Variants in MCPH1 observed in about 807,000 individuals in gnomAD.
The protein encoded by MCPH1 is microcephalin 1.
Under a neutral mutation model 84.5 loss-of-function variants are expected in MCPH1, and 104 were observed. The ratio of observed to expected loss-of-function variants is 1.23; its 90% CI spans 1.05 to 1.45. The LOEUF (loss-of-function observed/expected upper bound fraction) is 1.45, where lower values mean the gene tolerates loss of function less well. Ranked by LOEUF, MCPH1 falls within the 40% of genes most tolerant of loss-of-function variation. The pLI is 0.00. For missense variants in MCPH1, 1,498 were observed against 1,005.7 expected, an observed-to-expected ratio of 1.49 and a Z score of -6.62; for synonymous variants, 514 against 366.8, an observed-to-expected ratio of 1.40 and a Z score of -4.58.
Position 6,414,960 on chromosome 8 carries a change from C to G in MCPH1, c.233+77C>G, listed in dbSNP as rs2442545. ...GTGTGGAGATATTTTTCACAGATCG[C>G]AGAACCAGATAAAGTTTGATTTTCA... On this transcript the variant is annotated intron_variant, in intron 3 of 13. Transcript: ENST00000344683. 1,476,134 of 1,484,232 alleles carry G rather than the reference C, an allele frequency of 0.99. 734,371 individuals carry two copies. The highest frequency in any genetic ancestry group is 1 in the East Asian group (43,306 of 43,308). 91.9% of individuals were successfully genotyped at this position (1,484,232 alleles called of 1,614,324 possible). A position where few individuals can be genotyped will look rare whatever the true frequency, so the allele number is the denominator to read the frequency against.
intron 12 of MCPH1, among the ~76,000 whole-genome samples, chr8:6,576,321 T>C (rs921775778): frequency 8.5e-5 from 13 of 152,168 alleles, no homozygotes; most frequent in Non-Finnish European, 1.8e-4. Flanking sequence ...TGCAGGAAGA[T>C]GGGGCTGACC....
chr8:6,566,125 A>G (rs1465164545), intron 12 of MCPH1, among the ~76,000 whole-genome samples: 2 of 152,216 alleles, frequency 1.3e-5, no homozygotes. Context: ...ATAAAGCTTT[A>G]TTCGTGATAC....
Position 6,640,030 on chromosome 8 carries a change from A to G in MCPH1, c.2453-2964A>G, listed in dbSNP as rs564044521. Among the ~76,000 whole-genome samples, 99 of 149,158 alleles carry G rather than the reference A, an allele frequency of 6.6e-4. 1 individual carries two copies. Among genetic ancestry groups the G allele is most frequent in the African/African-American group, 2.4e-3 (97 of 40,554 alleles). ...GCGGGACTACAGGCATGAACCCTGCAATACGGCTGGCTTCTGCTATTTTAA... is the reference window on the plus strand; with the variant it reads ...GCGGGACTACAGGCATGAACCCTGCGATACGGCTGGCTTCTGCTATTTTAA... On this transcript the variant is annotated intron_variant, in intron 13 of 13. Coordinates refer to ENST00000344683, the MANE Select transcript of MCPH1 (RefSeq NM_024596.5).
rs73511013 is a variant in MCPH1, at chr8:6,601,794, A to G, written c.2215-19660A>G. Among the ~76,000 whole-genome samples the G allele has an allele frequency of 8.3e-3, 1,197 of 144,382 alleles. 22 individuals are homozygous for G. Among genetic ancestry groups the G allele is most frequent in the African/African-American group, 0.032 (1,126 of 34,690 alleles). 94.7% of individuals were successfully genotyped at this position (144,382 alleles called of 152,430 possible). A position where few individuals can be genotyped will look rare whatever the true frequency, so the allele number is the denominator to read the frequency against. Reference sequence around the variant, plus strand: ...CCAATCACGTACCACATATACCCACACCACACACACACAAGCCTTTCCTAA... The same window carrying G: ...CCAATCACGTACCACATATACCCACGCCACACACACACAAGCCTTTCCTAA... On this transcript the variant is annotated intron_variant, in intron 12 of 13. Transcript: ENST00000344683.
At chr8:6,626,170 C>T (rs1280073407) in intron 13 of MCPH1, 1 of 985,256 alleles carries the variant, frequency 1.0e-6, no homozygotes, top group Non-Finnish European at 1.2e-6. Context: ...CTGAGGTGAC[C>T]CTCAGCTCGC....
intron 3 of MCPH1, among the ~76,000 whole-genome samples, chr8:6,419,521 T>C (rs996852296): frequency 6.6e-6 from 1 of 151,638 alleles, no homozygotes; most frequent in Non-Finnish European, 1.5e-5. Context: ...GCCTCCCGAG[T>C]AGCTGGGACT....
chr8:6,448,939 GAATACATTTTTTTTTGT>G (rs1002514038), intron 8 of MCPH1, among the ~76,000 whole-genome samples: 38 of 152,014 alleles, frequency 2.5e-4, no homozygotes, highest in Non-Finnish European at 1.3e-4. Flanking sequence ...ATTGACACTG[GAATACATTTTTTTTTGT>G]AATACAGGTC....
At chr8:6,548,882 G>A (rs1227600482) in intron 12 of MCPH1, among the ~76,000 whole-genome samples, 1 of 152,148 alleles carries the variant, frequency 6.6e-6, no homozygotes, top group East Asian at 1.9e-4. Flanking sequence ...TGTTGATAAA[G>A]TTTCATCACT....
chr8:6,570,509 A>G (rs1218232597), intron 12 of MCPH1, among the ~76,000 whole-genome samples: 2 of 152,180 alleles, frequency 1.3e-5, no homozygotes, highest in Non-Finnish European at 2.9e-5. Flanking sequence ...GCGGGTAGAT[A>G]GAGTAAGCGC....
chr8:6,602,707 G>A (rs548093310), intron 12 of MCPH1, among the ~76,000 whole-genome samples: 1 of 152,170 alleles, frequency 6.6e-6, no homozygotes, highest in South Asian at 2.1e-4. Context: ...ATTTGTGACA[G>A]ATCTTATCAT....
intron 12 of MCPH1, among the ~76,000 whole-genome samples, chr8:6,589,620 T>A (rs1828280725): frequency 6.6e-6 from 1 of 152,206 alleles, no homozygotes; most frequent in South Asian, 2.1e-4. Flanking sequence ...GCCAGGCATT[T>A]TCATCTTCCA....
intron 12 of MCPH1, 54 bp from the exon 13 acceptor site, chr8:6,621,400 T>G: frequency 6.2e-7 from 1 of 1,606,288 alleles, no homozygotes; most frequent in Non-Finnish European, 8.5e-7. Context: ...TCGCCTACGC[T>G]ATGGAGACTG....
intron 12 of MCPH1, among the ~76,000 whole-genome samples, chr8:6,585,708 A>C (rs1314940805): frequency 2.6e-5 from 4 of 152,154 alleles, no homozygotes; most frequent in Non-Finnish European, 5.9e-5. Context: ...ATAGGAAGAG[A>C]GAGAAATTAC....
rs537444185 is a variant in MCPH1, at chr8:6,484,110, G to A, written c.2136+3234G>A. On this transcript the variant is annotated intron_variant, in intron 11 of 13. Coordinates refer to ENST00000344683, the MANE Select transcript of MCPH1 (RefSeq NM_024596.5). ...TCAAAATTGAAAGCTTTTACTCTGT[G>A]AAAGATATTATGAAGAGATCAGAAG... is the stretch of plus-strand genomic sequence containing the variant. 6.6e-5 allele frequency among the ~76,000 whole-genome samples: 10 copies of A among 152,266 alleles called. No homozygotes were observed. In the South Asian group the frequency reaches 2.1e-3, roughly 32 times the overall value.
intron 9 of MCPH1, among the ~76,000 whole-genome samples, chr8:6,463,061 C>T (rs1044131541): frequency 7.2e-5 from 11 of 152,190 alleles, no homozygotes; most frequent in Non-Finnish European, 1.2e-4. Flanking sequence ...CATGCCAGAG[C>T]CAAAATAGAG....
At chr8:6,527,862 G>A (rs1369593217) in intron 12 of MCPH1, among the ~76,000 whole-genome samples, 1 of 149,390 alleles carries the variant, frequency 6.7e-6, no homozygotes, top group Non-Finnish European at 1.5e-5. Context: ...TCACATCTGA[G>A]TGTGTTAAAC....
At chr8:6,514,628 A>G (rs368063942) in intron 12 of MCPH1, 50 of 1,537,010 alleles carry the variant, frequency 3.3e-5, no homozygotes, top group Middle Eastern at 1.7e-4. Flanking sequence ...CTTGAAAGCT[A>G]TTTTTCACAA....
At chr8:6,590,206 A>C (rs1828334559) in intron 12 of MCPH1, among the ~76,000 whole-genome samples, 1 of 31,954 alleles carries the variant, frequency 3.1e-5, no homozygotes, top group South Asian at 1.7e-3. Context: ...AGTGAACAAC[A>C]AAAAAAAAAA....
At chr8:6,477,554 T>C in intron 9 of MCPH1, 40 bp from the exon 10 acceptor site, 1 of 1,588,800 alleles carries the variant, frequency 6.3e-7, no homozygotes, top group Non-Finnish European at 8.6e-7. Flanking sequence ...TTTTTTATGT[T>C]TTTGACTGTT....
Sources: allele counts gnomAD v4.1 joint callset (sites outside exome capture counted in the v4.1 genomes callset), GRCh38; gene constraint gnomAD v4.1.1; transcripts MANE v1.5; gene names NCBI Gene and HGNC (gene_info 2026-07-23, HGNC 2026-07-21).